SDHA: variants seen among roughly 807,000 people sequenced by gnomAD.
SDHA encodes succinate dehydrogenase [ubiquinone] flavoprotein subunit, mitochondrial.
In SDHA, 48 loss-of-function variants were observed where a neutral mutation model predicts 78.4. That is an observed-to-expected ratio of 0.61 (90% CI 0.49 to 0.78). SDHA has a LOEUF of 0.78. SDHA is among the 30% of genes least tolerant of loss of function. The pLI, the probability that SDHA is intolerant of heterozygous loss-of-function variation, is 0.00. For missense variants in SDHA, 680 were observed against 892.7 expected, an observed-to-expected ratio of 0.76 and a Z score of 3.04; for synonymous variants, 326 against 353.9, an observed-to-expected ratio of 0.92 and a Z score of 0.88.
chr5:264,077 T>C, the SDHA span, among the ~76,000 whole-genome samples: 36,617 of 152,120 alleles, frequency 0.24, 6,878 homozygotes, highest in African/African-American at 0.53. Flanking sequence ...AGAGTACATA[T>C]CATATAATGC....
downstream of SDHA, among the ~76,000 whole-genome samples, chr5:257,285 G>A (rs1561017601): frequency 6.6e-6 from 1 of 152,176 alleles, no homozygotes; most frequent in African/African-American, 2.4e-5. Context: ...AGGCCGCACA[G>A]TAGGAGGTGA....
Position 237,929 on chromosome 5 carries a change from A to G in SDHA, c.1432+1330A>G, listed in dbSNP as rs184051655. ...ATCGGCGAAGGCGGAGTTCAGGTCC[A>G]TCGTTCCTGACGCCGCAGGTAGTGC... is the stretch of plus-strand genomic sequence containing the variant. On this transcript the variant is annotated intron_variant, in intron 10 of 14. Transcript: ENST00000264932. Among the ~76,000 whole-genome samples the G allele has an allele frequency of 3.4e-4, 46 of 136,242 alleles. 6 individuals are homozygous for G. The highest frequency in any genetic ancestry group is 3.7e-3 in the Middle Eastern group (1 of 270). 89.4% of individuals were successfully genotyped at this position (136,242 alleles called of 152,430 possible). A position where few individuals can be genotyped will look rare whatever the true frequency, so the allele number is the denominator to read the frequency against.
intron 10 of SDHA, among the ~76,000 whole-genome samples, chr5:239,768 A>C (rs1736025666): frequency 7.0e-6 from 1 of 142,522 alleles, no homozygotes; most frequent in South Asian, 2.1e-4. Flanking sequence ...ATTTGTATAC[A>C]TTTAATTTTT....
At chr5:225,614 G>T (rs1734970211) in intron 4 of SDHA, 52 bp downstream of exon 4, 1 of 1,612,706 alleles carries the variant, frequency 6.2e-7, no homozygotes, top group Non-Finnish European at 8.5e-7. Flanking sequence ...TAGTACAAAA[G>T]AATCCTGGAA....
Position 230,877 on chromosome 5 carries a change from G to T in SDHA, c.772G>T (p.Gly258Cys). ...RAKNTVVATG[G>C]YGRTYFSCTS... The stretch of plus-strand genomic sequence containing the variant: ...GTCACTGCTCTCTATTGTTTCCAGA[G>T]GCTACGGGCGCACCTACTTCAGCTG... The change falls in exon 7 of 15, where the codon GGC becomes TGC. Residue 258 changes from glycine to cysteine, a missense_variant and splice_region_variant. Gly to Cys is a radical substitution (Grantham distance 159). Transcript: ENST00000264932. 6.2e-7 allele frequency: 1 copy of T among 1,614,132 alleles called. No individual in the cohort carries two copies. Among genetic ancestry groups the T allele is most frequent in the Non-Finnish European group, 8.5e-7 (1 of 1,180,026 alleles).
intron 11 of SDHA, among the ~76,000 whole-genome samples, chr5:244,907 C>T (rs1355994904): frequency 6.6e-6 from 1 of 152,098 alleles, no homozygotes; most frequent in African/African-American, 2.4e-5. Flanking sequence ...GGGTATGTCC[C>T]TGGTATGGGA....
chr5:239,162 T>A (rs548149602), intron 10 of SDHA, among the ~76,000 whole-genome samples: 1 of 141,514 alleles, frequency 7.1e-6, no homozygotes, highest in African/African-American at 2.9e-5. Flanking sequence ...GTTTGACTCC[T>A]GCATTTCATA....
At chr5:266,386 T>C in the SDHA span, among the ~76,000 whole-genome samples, 1 of 152,164 alleles carries the variant, frequency 6.6e-6, no homozygotes, top group Non-Finnish European at 1.5e-5. Context: ...TGACAGGCAG[T>C]GTTGTGTGTG....
chr5:223,275 G>C (rs1170374416), intron 1 of SDHA, among the ~76,000 whole-genome samples: 1 of 152,228 alleles, frequency 6.6e-6, no homozygotes. Context: ...AGTCAGGGTG[G>C]AAACGAGGAC....
intron 11 of SDHA, among the ~76,000 whole-genome samples, chr5:244,897 G>T (rs1214321751): frequency 1.3e-5 from 2 of 152,164 alleles, no homozygotes; most frequent in African/African-American, 4.8e-5. Context: ...GCATGAAATG[G>T]GGTATGTCCC....
chr5:228,064 C>T (rs879116292), intron 5 of SDHA, 121 bp from the exon 6 acceptor site: 10 of 966,568 alleles, frequency 1.0e-5, no homozygotes, highest in South Asian at 4.1e-5. Context: ...TTGCTGATCT[C>T]CTTGGATTTA....
At chr5:261,267 G>T (rs1401665818), downstream of SDHA, among the ~76,000 whole-genome samples, 1 of 10,044 alleles carries the variant, frequency 1.0e-4, no homozygotes, top group Non-Finnish European at 1.9e-4. Context: ...TCCCGTCACA[G>T]CATTACCGTG....
chr5:236,583 A>T lies in SDHA; in HGVS notation c.1416A>T (p.Glu472Asp). Reference sequence around the variant, plus strand: ...GTCGGGCATGTGCCCTGAGCATCGAAGAGTCATGCAGGCCTGGTAAGTGTT... The same window carrying T: ...GTCGGGCATGTGCCCTGAGCATCGATGAGTCATGCAGGCCTGGTAAGTGTT... ...VFGRACALSIEESCRPGDKVP... is the reference protein window; with the variant it reads ...VFGRACALSIDESCRPGDKVP... Residue 472 changes from glutamate (E) to aspartate (D), a missense_variant, in exon 10 of 15, where the codon GAA becomes GAT. Physicochemically the swap from Glu to Asp is conservative, Grantham distance 45. Coordinates refer to ENST00000264932, the MANE Select transcript of SDHA (RefSeq NM_004168.4). 15 of 1,613,994 alleles carry T rather than the reference A, an allele frequency of 9.3e-6. No individual in the cohort carries two copies. The highest frequency in any genetic ancestry group is 1.2e-5 in the Non-Finnish European group (14 of 1,179,856).
chr5:232,286 C>T (rs1418179498), intron 7 of SDHA, among the ~76,000 whole-genome samples: 1 of 152,132 alleles, frequency 6.6e-6, no homozygotes, highest in Admixed American at 6.5e-5. Context: ...TCTTGACTCA[C>T]TGCAGCCTTT....
rs1737220932 is a variant in SDHA at position 256,682 on chromosome 5, ACTTT to A, written c.*267_*270del. On this transcript the variant is annotated 3_prime_UTR_variant, in exon 15 of 15. Coordinates refer to ENST00000264932, the MANE Select transcript of SDHA (RefSeq NM_004168.4). Reference sequence around the variant, plus strand: ...TCTTAAATAAAATATAAATGAACAAACTTTCTTTTATTTCCAAATCCATTTGAAA... The same window carrying A: ...TCTTAAATAAAATATAAATGAACAAACTTTTATTTCCAAATCCATTTGAAA... 4.4e-6 allele frequency: 2 copies of A among 456,534 alleles called. No individual in the cohort carries two copies. Among genetic ancestry groups the A allele is most frequent in the African/African-American group, 3.9e-5 (2 of 50,958 alleles). 28.3% of individuals were successfully genotyped at this position (456,534 alleles called of 1,614,324 possible). A position where few individuals can be genotyped will look rare whatever the true frequency, so the allele number is the denominator to read the frequency against.
At chr5:263,815 G>T in the SDHA span, among the ~76,000 whole-genome samples, 3 of 152,030 alleles carry the variant, frequency 2.0e-5, no homozygotes, top group Non-Finnish European at 4.4e-5. Context: ...TCTAACAAAA[G>T]TATGTGGCAT....
chr5:241,795 C>T (rs960089745), intron 11 of SDHA, among the ~76,000 whole-genome samples: 2 of 152,210 alleles, frequency 1.3e-5, no homozygotes, highest in Admixed American at 6.5e-5. Flanking sequence ...CTGTGCCCTT[C>T]AGTCTTCAAG....
In SDHA at chr5:256,823, C is replaced by T. The variant is rs796549423; in HGVS notation, c.*403C>T. ...TTTGTATAGTTTCTTTTTTCTTTTT[C>T]TTTTCTTTTTTTTTTTTGAGACAGG... On this transcript the variant is annotated 3_prime_UTR_variant, in exon 15 of 15. Transcript: ENST00000264932. 20 of 227,796 alleles carry T rather than the reference C, an allele frequency of 8.8e-5. No homozygotes were observed. The highest frequency in any genetic ancestry group is 1.7e-4 in the Admixed American group (3 of 17,596). The allele number at this position is 227,796 out of a possible 1,614,324, so 14.1% of individuals were successfully genotyped here. A position where few individuals can be genotyped will look rare whatever the true frequency, so the allele number is the denominator to read the frequency against.
Position 256,699 on chromosome 5 carries a change from A to C in SDHA, c.*279A>C, listed in dbSNP as rs1737222489. 4.6e-6 allele frequency: 2 copies of C among 434,588 alleles called. No individual in the cohort carries two copies. The highest frequency in any genetic ancestry group is 3.5e-5 in the South Asian group (1 of 28,780). 26.9% of individuals were successfully genotyped at this position (434,588 alleles called of 1,614,324 possible). ...ATGAACAAACTTTCTTTTATTTCCA[A>C]ATCCATTTGAAATATTTTACTGTTG... On this transcript the variant is annotated 3_prime_UTR_variant, in exon 15 of 15. Transcript: ENST00000264932.
Sources: allele counts gnomAD v4.1 joint callset (sites outside exome capture counted in the v4.1 genomes callset), GRCh38; gene constraint gnomAD v4.1.1; transcripts MANE v1.5; gene names NCBI Gene and HGNC (gene_info 2026-07-23, HGNC 2026-07-21).